The following NSMCE1 variants were observed in gnomAD, a reference collection of about 807,000 sequenced individuals.
NSMCE1 encodes the protein NSE1 component of SMC5/6 complex.
In NSMCE1, 18 loss-of-function variants were observed where a neutral mutation model predicts 29.6. The observed-to-expected ratio is 0.61, with a 90% CI of 0.42 to 0.90. The LOEUF is 0.90. NSMCE1 is among the 40% of genes least tolerant of loss of function. The pLI is 0.00. For missense variants in NSMCE1, 314 were observed against 343.6 expected (o/e 0.91, Z 0.68); for synonymous variants, 124 against 133.4 (o/e 0.93, Z 0.49).
At chr16:27,254,108 G>T (rs2084060985) in intron 2 of NSMCE1, among the ~76,000 whole-genome samples, 2 of 152,176 alleles carry the variant, frequency 1.3e-5, no homozygotes, top group Non-Finnish European at 2.9e-5. Flanking sequence ...GGTACAAGGG[G>T]ATTTTCCTGG....
rs548329882 is a variant in NSMCE1, at chr16:27,225,670, A to C, written c.721+56T>G. 23 of 1,606,364 alleles carry C rather than the reference A, an allele frequency of 1.4e-5. No individual in the cohort carries two copies. The South Asian group carries it at 2.3e-4, about 16-fold the overall frequency. On this transcript the variant is annotated intron_variant, in intron 7 of 7. Coordinates refer to ENST00000361439, the MANE Select transcript of NSMCE1 (RefSeq NM_145080.4). Reference sequence around the variant, plus strand: ...TGTCTCCAAGGGCTTCCCTGGCACCAGGCCCCACGTCCTGCTGGCCCAGCC... The same window carrying C: ...TGTCTCCAAGGGCTTCCCTGGCACCCGGCCCCACGTCCTGCTGGCCCAGCC...
rs182630037 is a variant in NSMCE1, at chr16:27,267,548, A to C, written c.-12+1158T>G. ...AGTGAGAAAAGTGAGTGAACAGAACAACTACAATCCAGGTCCCTCATCTGC... is the reference window on the plus strand; with the variant it reads ...AGTGAGAAAAGTGAGTGAACAGAACCACTACAATCCAGGTCCCTCATCTGC... On this transcript the variant is annotated intron_variant, in intron 1 of 7. Transcript: ENST00000361439. Among the ~76,000 whole-genome samples the C allele has an allele frequency of 7.5e-4, 114 of 152,242 alleles. 2 individuals carry two copies. The Middle Eastern group carries it at 0.017, about 23-fold the overall frequency.
chr16:27,264,560 GA>G (rs1251925318), intron 1 of NSMCE1, among the ~76,000 whole-genome samples: 5 of 152,042 alleles, frequency 3.3e-5, no homozygotes, highest in African/African-American at 1.2e-4. Context: ...AAGGTGCCAG[GA>G]AAACTTGTTA....
intron 5 of NSMCE1, among the ~76,000 whole-genome samples, chr16:27,227,952 A>G (rs1045576799): frequency 1.3e-4 from 19 of 151,938 alleles, no homozygotes; most frequent in Admixed American, 9.8e-4. Flanking sequence ...CGCCTGGCTA[A>G]TTTTGTATTT....
At chr16:27,260,984 T>C (rs924883086) in intron 1 of NSMCE1, among the ~76,000 whole-genome samples, 3 of 151,272 alleles carry the variant, frequency 2.0e-5, no homozygotes, top group African/African-American at 4.9e-5. Context: ...CTGGTTAACA[T>C]GGTGAAACCC....
chr16:27,259,457 T>C (rs1200230979), intron 1 of NSMCE1, among the ~76,000 whole-genome samples: 1 of 152,150 alleles, frequency 6.6e-6, no homozygotes, highest in Non-Finnish European at 1.5e-5. Context: ...CTAAAAACAA[T>C]GGACTTCTAT....
intron 2 of NSMCE1, among the ~76,000 whole-genome samples, chr16:27,238,541 TC>T (rs2083853043): frequency 1.1e-5 from 1 of 87,968 alleles, no homozygotes; most frequent in African/African-American, 7.0e-5. Context: ...TCGCCTTTTT[TC>T]TTTTTTTTTT....
Position 27,232,851 on chromosome 16 carries a change from C to T in NSMCE1, c.483+150G>A, listed in dbSNP as rs1039732191. On this transcript the variant is annotated intron_variant, in intron 5 of 7. Transcript: ENST00000361439. This position sits in a 1 kb window ranked among gnomAD's most constrained non-coding sequence, Gnocchi z 4.5. ...AGGAGTGAGGCCCAAGTCCTCCCCA[C>T]GGGGTCACTGCTGGAATGCATGAAA... The T allele has an allele frequency of 5.6e-5, 41 of 735,946 alleles. No homozygotes were observed. The highest frequency in any genetic ancestry group is 1.8e-4 in the African/African-American group (10 of 56,574). The allele number at this position is 735,946 out of a possible 1,614,324, so 45.6% of individuals were successfully genotyped here. A position where few individuals can be genotyped will look rare whatever the true frequency, so the allele number is the denominator to read the frequency against.
At chr16:27,249,277 T>A (rs530170807) in intron 2 of NSMCE1, among the ~76,000 whole-genome samples, 19 of 152,252 alleles carry the variant, frequency 1.2e-4, no homozygotes, top group Non-Finnish European at 1.9e-4. Flanking sequence ...TAATGTAAAT[T>A]TTTAATTGTG....
intron 5 of NSMCE1, among the ~76,000 whole-genome samples, chr16:27,228,210 G>C (rs1270841066): frequency 6.6e-6 from 1 of 152,182 alleles, no homozygotes; most frequent in Non-Finnish European, 1.5e-5. Flanking sequence ...ACCAGTAGAG[G>C]AGCTGGGTGA....
At position 27,263,456 on chromosome 16, in the gene NSMCE1, T is replaced by C. The variant is rs555231407; in HGVS notation, c.-12+5250A>G. Among the ~76,000 whole-genome samples the C allele has an allele frequency of 2.1e-4, 32 of 152,240 alleles. No homozygotes were observed. In the South Asian group the frequency reaches 2.9e-3, roughly 14 times the overall value. On this transcript the variant is annotated intron_variant, in intron 1 of 7. Coordinates refer to ENST00000361439, the MANE Select transcript of NSMCE1 (RefSeq NM_145080.4). ...GCTAACACAGGAATAGAAAACCAAATACCACATGTTCTCACTTATAAGTGG... is the reference window on the plus strand; with the variant it reads ...GCTAACACAGGAATAGAAAACCAAACACCACATGTTCTCACTTATAAGTGG...
intron 2 of NSMCE1, among the ~76,000 whole-genome samples, chr16:27,235,698 G>A (rs1324812713): frequency 1.3e-5 from 2 of 152,274 alleles, no homozygotes; most frequent in African/African-American, 2.4e-5. Context: ...CCCTTCTATC[G>A]CATCCCCAGT....
chr16:27,251,180 ATATATATAT>A lies in NSMCE1; in HGVS notation c.136+6246_136+6254del, dbSNP rs1426505657. Among the ~76,000 whole-genome samples the A allele has an allele frequency of 5.2e-4, 31 of 59,158 alleles. 1 individual carries two copies. Among genetic ancestry groups the A allele is most frequent in the Middle Eastern group, 0.012 (2 of 166 alleles). 38.8% of individuals were successfully genotyped at this position (59,158 alleles called of 152,430 possible). A position where few individuals can be genotyped will look rare whatever the true frequency, so the allele number is the denominator to read the frequency against. ...TTAAAATATATATATATATATATAT[ATATATATAT>A]AAATATATATATATATATAAAACTC... is the stretch of plus-strand genomic sequence containing the variant. On this transcript the variant is annotated intron_variant, in intron 2 of 7. Transcript: ENST00000361439.
At chr16:27,252,612 C>T (rs893379942) in intron 2 of NSMCE1, among the ~76,000 whole-genome samples, 4 of 152,160 alleles carry the variant, frequency 2.6e-5, no homozygotes, top group South Asian at 2.1e-4. Context: ...AGAAGACCCC[C>T]GTCTCTACAA....
chr16:27,243,049 T>G (rs903950088), intron 2 of NSMCE1, among the ~76,000 whole-genome samples: 1 of 152,214 alleles, frequency 6.6e-6, no homozygotes, highest in Admixed American at 6.5e-5. Flanking sequence ...TGCAGACAGC[T>G]GTGGGCACAG....
At chr16:27,252,581 G>A (rs4349150) in intron 2 of NSMCE1, among the ~76,000 whole-genome samples, 9,556 of 152,074 alleles carry the variant, frequency 0.063, 746 homozygotes, top group African/African-American at 0.19. Context: ...CTAGGTGTTC[G>A]AGACCAGCCT....
chr16:27,267,309 C>T (rs1056396796), intron 1 of NSMCE1, among the ~76,000 whole-genome samples: 6 of 151,988 alleles, frequency 3.9e-5, no homozygotes, highest in Non-Finnish European at 8.8e-5. Flanking sequence ...ACCATTCGTG[C>T]GGGTGCTAAC....
At chr16:27,263,661 C>T (rs2084187909) in intron 1 of NSMCE1, among the ~76,000 whole-genome samples, 1 of 152,126 alleles carries the variant, frequency 6.6e-6, no homozygotes, top group African/African-American at 2.4e-5. Context: ...GTTTACCTAT[C>T]TAATAAACCT....
intron 2 of NSMCE1, among the ~76,000 whole-genome samples, chr16:27,247,442 T>G (rs185421139): frequency 1.1e-4 from 17 of 152,286 alleles, no homozygotes; most frequent in Non-Finnish European, 2.1e-4. Flanking sequence ...CTTCCCTTTA[T>G]AAATTACCCA....
Sources: gnomAD v4.1 joint callset for allele counts (sites outside exome capture counted in the v4.1 genomes callset) on GRCh38, gnomAD v4.1.1 for gene constraint, Gnocchi (gnomAD v3.1) non-coding constraint, MANE v1.5 for transcripts, NCBI Gene and HGNC (gene_info 2026-07-23, HGNC 2026-07-21) for gene names.